CADPS2: variants seen among roughly 807,000 people sequenced by gnomAD.
CADPS2 encodes the protein calcium dependent secretion activator 2.
Under a neutral mutation model 172.5 loss-of-function variants are expected in CADPS2, and 93 were observed. That is an observed-to-expected ratio of 0.54 (90% CI 0.46 to 0.64). The LOEUF (loss-of-function observed/expected upper bound fraction) is 0.64, where lower values mean the gene tolerates loss of function less well. Ranked by LOEUF, CADPS2 falls within the 30% of genes least tolerant of loss-of-function variation. The probability of loss-of-function intolerance (pLI) is 0.00; values close to 1 mark genes in which losing one functional copy is unlikely to be tolerated. For synonymous variants in CADPS2, 546 were observed against 555.2 expected, an observed-to-expected ratio of 0.98 and a Z score of 0.23; for missense variants, 1,420 against 1,565.9, an observed-to-expected ratio of 0.91 and a Z score of 1.57.
At chr7:122,494,273 T>C (rs1025829180) in intron 9 of CADPS2, among the ~76,000 whole-genome samples, 4 of 152,200 alleles carry the variant, frequency 2.6e-5, no homozygotes, top group African/African-American at 7.2e-5. Context: ...CTATTTTTTA[T>C]GCATTCCTTT....
intron 23 of CADPS2, among the ~76,000 whole-genome samples, chr7:122,388,064 T>TATGA (rs2043904020): frequency 6.6e-6 from 1 of 152,138 alleles, no homozygotes; most frequent in Non-Finnish European, 1.5e-5. Context: ...TTTGGAAGAA[T>TATGA]ATGAAGCCTC....
intron 1 of CADPS2, among the ~76,000 whole-genome samples, chr7:122,744,579 A>G (rs1473251915): frequency 6.6e-6 from 1 of 152,208 alleles, no homozygotes; most frequent in Non-Finnish European, 1.5e-5. Flanking sequence ...TAGATTGAAA[A>G]CAAAGTTATT....
At chr7:122,870,515 T>C (rs1056469638) in intron 1 of CADPS2, among the ~76,000 whole-genome samples, 4 of 151,994 alleles carry the variant, frequency 2.6e-5, no homozygotes, top group Non-Finnish European at 5.9e-5. Context: ...GGGTACAACA[T>C]TTCAGTTGAA....
chr7:122,591,314 C>T (rs2070764848), intron 6 of CADPS2, among the ~76,000 whole-genome samples: 1 of 152,068 alleles, frequency 6.6e-6, no homozygotes, highest in Non-Finnish European at 1.5e-5. Context: ...GAACTTCAAA[C>T]CACTGCTCAG....
intron 1 of CADPS2, among the ~76,000 whole-genome samples, chr7:122,878,505 T>C (rs1195177448): frequency 6.6e-6 from 1 of 150,530 alleles, no homozygotes; most frequent in Non-Finnish European, 1.5e-5. Context: ...CCGGGTGCAG[T>C]GGCGGGTGCC....
intron 1 of CADPS2, among the ~76,000 whole-genome samples, chr7:122,783,320 T>C (rs1020130985): frequency 6.6e-6 from 1 of 152,218 alleles, no homozygotes; most frequent in African/African-American, 2.4e-5. Flanking sequence ...ACTATTGTGG[T>C]TGATTTTATT....
chr7:122,554,762 T>A, intron 7 of CADPS2, 73 bp from the exon 8 acceptor site: 1 of 1,302,548 alleles, frequency 7.7e-7, no homozygotes, highest in Non-Finnish European at 1.0e-6. Flanking sequence ...AAATATTTTC[T>A]ATGTTTTCCT....
chr7:122,433,133 T>G (rs2050177211), intron 17 of CADPS2, among the ~76,000 whole-genome samples: 1 of 151,024 alleles, frequency 6.6e-6, no homozygotes, highest in African/African-American at 2.5e-5. Flanking sequence ...GCTACTATAC[T>G]TGGCTATTTG....
intron 28 of CADPS2, among the ~76,000 whole-genome samples, chr7:122,332,548 G>C (rs2035150062): frequency 6.6e-6 from 1 of 152,076 alleles, no homozygotes; most frequent in Non-Finnish European, 1.5e-5. Flanking sequence ...GGAATGAAAA[G>C]TGTAAAAAGT....
intron 8 of CADPS2, among the ~76,000 whole-genome samples, chr7:122,546,750 A>G (rs979011827): frequency 6.6e-6 from 1 of 152,108 alleles, no homozygotes; most frequent in African/African-American, 2.4e-5. Flanking sequence ...AAGTCTTGGT[A>G]CTGTCAGCCC....
intron 17 of CADPS2, among the ~76,000 whole-genome samples, chr7:122,424,959 C>A (rs2048964990): frequency 1.3e-5 from 2 of 152,108 alleles, no homozygotes. Flanking sequence ...ATTTTGCCAG[C>A]TAATTGTGTA....
intron 2 of CADPS2, among the ~76,000 whole-genome samples, chr7:122,730,517 ATAAC>A (rs982940345): frequency 2.2e-4 from 33 of 151,932 alleles, no homozygotes; most frequent in East Asian, 3.9e-4. Flanking sequence ...AAATGAAAAC[ATAAC>A]TAATAAGCAA....
At chr7:122,712,794 T>C (rs981791856) in intron 2 of CADPS2, among the ~76,000 whole-genome samples, 2 of 152,100 alleles carry the variant, frequency 1.3e-5, no homozygotes, top group Admixed American at 6.6e-5. Context: ...TTCTGGTTAA[T>C]AGAAAGCACC....
chr7:122,633,093 C>A (rs979549111), intron 3 of CADPS2, among the ~76,000 whole-genome samples: 2 of 152,134 alleles, frequency 1.3e-5, no homozygotes, highest in Non-Finnish European at 2.9e-5. Flanking sequence ...GTTTTGGTTA[C>A]TTTAGCCTTA....
intron 6 of CADPS2, among the ~76,000 whole-genome samples, chr7:122,584,416 C>A (rs1484656990): frequency 6.6e-6 from 1 of 151,812 alleles, no homozygotes; most frequent in Non-Finnish European, 1.5e-5. Context: ...ATCTTTGAAT[C>A]CTTATAGCAT....
At chr7:122,613,353 CTT>C (rs533328341) in intron 6 of CADPS2, among the ~76,000 whole-genome samples, 16 of 152,028 alleles carry the variant, frequency 1.1e-4, no homozygotes, top group Non-Finnish European at 1.8e-4. Flanking sequence ...CTTGAATAAA[CTT>C]GATATATGGC....
chr7:122,475,445 C>T (rs1346201301), intron 12 of CADPS2, among the ~76,000 whole-genome samples: 1 of 152,106 alleles, frequency 6.6e-6, no homozygotes, highest in African/African-American at 2.4e-5. Flanking sequence ...TTCTGGTCAT[C>T]ATAAGAAAAG....
At chr7:122,736,837 C>A in intron 2 of CADPS2, 118 bp downstream of exon 2, 1 of 583,280 alleles carries the variant, frequency 1.7e-6, no homozygotes. Context: ...AAAAAGGTTG[C>A]AAATTCACAG....
At chr7:122,456,787 C>G (rs1262588813) in intron 14 of CADPS2, among the ~76,000 whole-genome samples, 1 of 152,278 alleles carries the variant, frequency 6.6e-6, no homozygotes, top group African/African-American at 2.4e-5. Flanking sequence ...CACACAAACA[C>G]AGACAACACT....
Sources: allele counts gnomAD v4.1 joint callset (sites outside exome capture counted in the v4.1 genomes callset), GRCh38; gene constraint gnomAD v4.1.1; transcripts MANE v1.5; gene names NCBI Gene and HGNC (gene_info 2026-07-23, HGNC 2026-07-21).